Variants in RB1 observed in about 807,000 individuals in gnomAD.
RB1 encodes RB transcriptional corepressor 1.
RB1 carries 18 observed loss-of-function variants against 135.4 expected under a neutral mutation model. That is an observed-to-expected ratio of 0.13 (90% CI 0.09 to 0.20). The LOEUF (loss-of-function observed/expected upper bound fraction) is 0.20. Ranked by LOEUF, RB1 falls within the 10% of genes least tolerant of loss-of-function variation. The pLI is 1.00. For missense variants in RB1, 868 were observed against 1,110.0 expected, an observed-to-expected ratio of 0.78 and a Z score of 3.10; for synonymous variants, 365 against 373.2, an observed-to-expected ratio of 0.98 and a Z score of 0.25.
chr13:48,304,069 G>T lies in RB1; in HGVS notation c.137+20G>T. The T allele has an allele frequency of 2.1e-6, 3 of 1,405,118 alleles. No individual in the cohort carries two copies. Among genetic ancestry groups the T allele is most frequent in the Non-Finnish European group, 2.8e-6 (3 of 1,088,400 alleles). 87.0% of individuals were successfully genotyped at this position (1,405,118 alleles called of 1,614,324 possible). Reference sequence around the variant, plus strand: ...CGTCAGGTGAGCGAGCAGAGCCGCCGTCGCCTCACGCGGGAAGGGCGCCCC... The same window carrying T: ...CGTCAGGTGAGCGAGCAGAGCCGCCTTCGCCTCACGCGGGAAGGGCGCCCC... On this transcript the variant is annotated intron_variant, in intron 1 of 26. Coordinates refer to ENST00000267163, the MANE Select transcript of RB1 (RefSeq NM_000321.3).
intron 13 of RB1, among the ~76,000 whole-genome samples, chr13:48,379,237 G>A (rs898537562): frequency 6.6e-6 from 1 of 152,120 alleles, no homozygotes; most frequent in African/African-American, 2.4e-5. Context: ...TCCAGGTACT[G>A]GACCTACCCT....
rs1203882166 is a variant in RB1 at position 48,319,737 on chromosome 13, T to G, written c.264+12331T>G. 1 of 265,988 alleles carries G rather than the reference T, an allele frequency of 3.8e-6. No homozygotes were observed. The highest frequency in any genetic ancestry group is 2.3e-5 in the African/African-American group (1 of 43,858). The allele number at this position is 265,988 out of a possible 1,614,324, so 16.5% of individuals were successfully genotyped here. A position where few individuals can be genotyped will look rare whatever the true frequency, so the allele number is the denominator to read the frequency against. ...CGAATTTTCGTTTGGGTCTGGTTTT[T>G]TATCTATTGACCCCATCACATTTTT... On this transcript the variant is annotated intron_variant, in intron 2 of 26. Coordinates refer to ENST00000267163, the MANE Select transcript of RB1 (RefSeq NM_000321.3). The surrounding 1 kb of genome is among the most constrained non-coding windows in gnomAD (Gnocchi z 5.0).
intron 2 of RB1, among the ~76,000 whole-genome samples, chr13:48,322,965 G>T (rs1952254153): frequency 6.6e-6 from 1 of 151,536 alleles, no homozygotes; most frequent in East Asian, 1.9e-4. Context: ...AAGAGATTTT[G>T]GTCTTTAGTT....
intron 24 of RB1, among the ~76,000 whole-genome samples, chr13:48,475,433 T>C (rs1949498251): frequency 6.6e-6 from 1 of 152,204 alleles, no homozygotes; most frequent in Non-Finnish European, 1.5e-5. Flanking sequence ...TGTTGGCTGA[T>C]CCTCGATGGC....
At chr13:48,412,191 G>A (rs752001188) in intron 17 of RB1, 1 of 1,613,988 alleles carries the variant, frequency 6.2e-7, no homozygotes, top group African/African-American at 1.3e-5. Context: ...ATTCCGTGTT[G>A]TGAAGTAAAA....
intron 2 of RB1, among the ~76,000 whole-genome samples, chr13:48,325,438 C>T (rs1447972061): frequency 4.6e-5 from 7 of 152,142 alleles, no homozygotes; most frequent in Non-Finnish European, 7.4e-5. Context: ...TCTTACTTAT[C>T]TACACCTTTT....
At chr13:48,465,421 G>A (rs1452013740) in intron 23 of RB1, 53 bp downstream of exon 23, 2 of 1,475,384 alleles carry the variant, frequency 1.4e-6, no homozygotes, top group African/African-American at 2.8e-5. Flanking sequence ...GGATTATTTT[G>A]ATCCAAGAAT....
intron 2 of RB1, among the ~76,000 whole-genome samples, chr13:48,312,060 C>CT (rs1383759684): frequency 6.6e-6 from 1 of 152,152 alleles, no homozygotes; most frequent in Non-Finnish European, 1.5e-5. Context: ...ATTTTTATGC[C>CT]TTTTAGGTAA....
intron 1 of RB1, 134 bp downstream of exon 1, chr13:48,304,183 G>GC (rs1199126808): frequency 3.7e-5 from 37 of 995,650 alleles, no homozygotes; most frequent in Non-Finnish European, 4.9e-5. Flanking sequence ...CGCCCTCCCT[G>GC]CCCCCCGCCA....
intron 2 of RB1, among the ~76,000 whole-genome samples, chr13:48,330,530 A>G (rs1198890640): frequency 6.6e-6 from 1 of 152,192 alleles, no homozygotes; most frequent in African/African-American, 2.4e-5. Flanking sequence ...TACTTTGAAC[A>G]AATTATATAC....
chr13:48,379,536 T>A, intron 13 of RB1, 58 bp from the exon 14 acceptor site: 2 of 1,568,338 alleles, frequency 1.3e-6, no homozygotes, highest in Non-Finnish European at 1.7e-6. Context: ...AAAAAAAATT[T>A]CATAATTGTG....
chr13:48,375,724 G>A (rs1295383286), intron 12 of RB1, among the ~76,000 whole-genome samples: 2 of 151,718 alleles, frequency 1.3e-5, no homozygotes, highest in African/African-American at 4.8e-5. Flanking sequence ...GATTGCAGAA[G>A]CCTGCTACCA....
Position 48,439,093 on chromosome 13 carries a change from G to GTATGGGAAC in RB1, c.1696-13899_1696-13898insATGGGAACT, listed in dbSNP as rs1593517642. 7.2e-5 allele frequency among the ~76,000 whole-genome samples: 11 copies of GTATGGGAAC among 152,238 alleles called. 1 individual carries two copies. The East Asian group carries it at 2.1e-3, about 29-fold the overall frequency. Reference sequence around the variant, plus strand: ...TGAAAGAGGCAGTAAGCAAAGGAACGTGACTCCCATACTAGTATAGCAGCT... The same window carrying GTATGGGAAC: ...TGAAAGAGGCAGTAAGCAAAGGAACGTATGGGAACTGACTCCCATACTAGTATAGCAGCT... On this transcript the variant is annotated intron_variant, in intron 17 of 26. Transcript: ENST00000267163.
At chr13:48,432,129 G>T (rs398158) in intron 17 of RB1, among the ~76,000 whole-genome samples, 118,851 of 152,040 alleles carry the variant, frequency 0.78, 52,217 homozygotes, top group Non-Finnish European at 0.97. Flanking sequence ...GGAGGTCAAA[G>T]AAGGCCTTGC....
At chr13:48,419,909 C>T (rs7982457) in intron 17 of RB1, among the ~76,000 whole-genome samples, 2 of 151,972 alleles carry the variant, frequency 1.3e-5, no homozygotes, top group African/African-American at 4.8e-5. Context: ...GCGTACCAAC[C>T]AAAAAAATCC....
At chr13:48,314,750 G>A (rs951760068) in intron 2 of RB1, among the ~76,000 whole-genome samples, 2 of 149,954 alleles carry the variant, frequency 1.3e-5, no homozygotes, top group Non-Finnish European at 3.0e-5. Flanking sequence ...GCAGTGAGCC[G>A]AAGTCGTGCC....
intron 17 of RB1, among the ~76,000 whole-genome samples, chr13:48,426,126 C>T (rs2138263265): frequency 6.6e-6 from 1 of 152,238 alleles, no homozygotes; most frequent in Middle Eastern, 3.4e-3. Context: ...GCAAACTCTG[C>T]CCTGAACTTT....
intron 11 of RB1, among the ~76,000 whole-genome samples, chr13:48,371,670 A>T (rs891581601): frequency 1.3e-5 from 2 of 149,322 alleles, no homozygotes. Context: ...TTAAACCCAT[A>T]AAAAAAAATG....
In RB1 at chr13:48,326,126, C is replaced by T. The variant is rs183969380; in HGVS notation, c.265-16473C>T. 7.9e-5 allele frequency among the ~76,000 whole-genome samples: 12 copies of T among 152,230 alleles called. No homozygotes were observed. The East Asian group carries it at 2.3e-3, about 29-fold the overall frequency. The stretch of plus-strand genomic sequence containing the variant: ...GTCTTTTTCCCTCTGCTCCAAGAAA[C>T]AGGAATGTTTGTTTTGTTCACTAAT... On this transcript the variant is annotated intron_variant, in intron 2 of 26. Transcript: ENST00000267163.
Sources: allele counts gnomAD v4.1 joint callset (sites outside exome capture counted in the v4.1 genomes callset), GRCh38; gene constraint gnomAD v4.1.1; non-coding constraint Gnocchi (gnomAD v3.1); transcripts MANE v1.5; gene names NCBI Gene and HGNC (gene_info 2026-07-23, HGNC 2026-07-21).